LDB2: variants seen among roughly 807,000 people sequenced by gnomAD.
LDB2 encodes LIM domain-binding protein 2.
In LDB2, 12 loss-of-function variants were observed where a neutral mutation model predicts 44.3. The observed-to-expected ratio is 0.27, with a 90% CI of 0.17 to 0.44. The LOEUF is 0.44. LDB2 is among the 20% of genes least tolerant of loss of function. The probability of loss-of-function intolerance (pLI) is 1.00; values close to 1 mark genes in which losing one functional copy is unlikely to be tolerated. For synonymous variants in LDB2, 164 were observed against 174.8 expected (o/e 0.94, Z 0.49); for missense variants, 344 against 473.5 (o/e 0.73, Z 2.54).
chr4:16,732,362 A>C (rs767354033), intron 2 of LDB2, among the ~76,000 whole-genome samples: 4 of 152,200 alleles, frequency 2.6e-5, no homozygotes, highest in Admixed American at 6.5e-5. Context: ...CAGAGCTCCA[A>C]ATGTTACTTC....
intron 2 of LDB2, among the ~76,000 whole-genome samples, chr4:16,730,128 G>A (rs1027873532): frequency 5.3e-5 from 8 of 152,102 alleles, no homozygotes; most frequent in Non-Finnish European, 5.9e-5. Flanking sequence ...GGCCTGCAAC[G>A]TCAGAAAGTA....
At chr4:16,777,983 C>G (rs571232335) in intron 1 of LDB2, among the ~76,000 whole-genome samples, 3 of 152,306 alleles carry the variant, frequency 2.0e-5, no homozygotes, top group African/African-American at 4.8e-5. Context: ...CTTCCTCCCC[C>G]ATCCCTCTCC....
At chr4:16,884,845 A>G (rs1721173032) in intron 1 of LDB2, among the ~76,000 whole-genome samples, 1 of 152,204 alleles carries the variant, frequency 6.6e-6, no homozygotes, top group Non-Finnish European at 1.5e-5. Flanking sequence ...ACCCAAACAC[A>G]TAGATTCTGT....
intron 5 of LDB2, among the ~76,000 whole-genome samples, chr4:16,539,399 T>A (rs923656539): frequency 6.6e-6 from 1 of 152,068 alleles, no homozygotes; most frequent in African/African-American, 2.4e-5. Context: ...AGGAGAGACA[T>A]GGAACTAGAA....
intron 5 of LDB2, among the ~76,000 whole-genome samples, chr4:16,581,153 T>G (rs184273115): frequency 6.6e-6 from 1 of 152,344 alleles, no homozygotes; most frequent in African/African-American, 2.4e-5. Flanking sequence ...GATTCTGATG[T>G]GCTCTACCCA....
rs1561055974 is a variant in LDB2, at chr4:16,739,676, GTGTGTATATATGTATATATACATATA to G, written c.235+19456_235+19481del. The stretch of plus-strand genomic sequence containing the variant: ...TGTGTATATATGTATATATACATAT[GTGTGTATATATGTATATATACATATA>G]TGTGTATATATGTATATATACATAT... On this transcript the variant is annotated intron_variant, in intron 2 of 7. Transcript: ENST00000304523. Among the ~76,000 whole-genome samples, 458 of 52,104 alleles carry G rather than the reference GTGTGTATATATGTATATATACATATA, an allele frequency of 8.8e-3. 78 individuals carry two copies. The highest frequency in any genetic ancestry group is 0.024 in the South Asian group (52 of 2,130). The allele number at this position is 52,104 out of a possible 152,430, so 34.2% of individuals were successfully genotyped here.
chr4:16,597,395 T>C (rs1172233801), intron 2 of LDB2, among the ~76,000 whole-genome samples: 1 of 152,196 alleles, frequency 6.6e-6, no homozygotes. Context: ...TACTGCATGC[T>C]CATTTTCTAA....
At chr4:16,685,570 CATGT>C (rs1423163744) in intron 2 of LDB2, among the ~76,000 whole-genome samples, 2 of 152,088 alleles carry the variant, frequency 1.3e-5, no homozygotes, top group Non-Finnish European at 2.9e-5. Flanking sequence ...TAAATAAAGT[CATGT>C]ATGTGAAATT....
At chr4:16,551,901 A>G (rs1737814744) in intron 5 of LDB2, among the ~76,000 whole-genome samples, 1 of 152,218 alleles carries the variant, frequency 6.6e-6, no homozygotes, top group Admixed American at 6.5e-5. Flanking sequence ...AAGATATTAC[A>G]AAGTATGTGG....
At chr4:16,652,535 C>T (rs1039103068) in intron 2 of LDB2, among the ~76,000 whole-genome samples, 1 of 152,176 alleles carries the variant, frequency 6.6e-6, no homozygotes, top group African/African-American at 2.4e-5. Context: ...ACTTCTGCCA[C>T]CCCATTTGTG....
intron 5 of LDB2, among the ~76,000 whole-genome samples, chr4:16,585,294 T>C (rs1190593333): frequency 1.3e-5 from 2 of 152,174 alleles, no homozygotes; most frequent in East Asian, 3.9e-4. Flanking sequence ...GGCTCTTTAG[T>C]GGTTCAGGGC....
intron 2 of LDB2, among the ~76,000 whole-genome samples, chr4:16,730,498 A>G (rs1372269794): frequency 1.3e-5 from 2 of 152,210 alleles, no homozygotes; most frequent in East Asian, 1.9e-4. Context: ...AGATTTTTAA[A>G]AAATAATATT....
At chr4:16,689,883 G>C (rs1428725951) in intron 2 of LDB2, among the ~76,000 whole-genome samples, 1 of 152,186 alleles carries the variant, frequency 6.6e-6, no homozygotes, top group Non-Finnish European at 1.5e-5. Context: ...AAACTTCTAA[G>C]AATAGTTAGG....
chr4:16,661,263 C>T (rs1741507010), intron 2 of LDB2, among the ~76,000 whole-genome samples: 2 of 152,172 alleles, frequency 1.3e-5, no homozygotes, highest in African/African-American at 2.4e-5. Flanking sequence ...AGTTTTGGCA[C>T]AAAAAGACAG....
chr4:16,560,707 A>G (rs1422358875), intron 5 of LDB2, among the ~76,000 whole-genome samples: 10 of 152,206 alleles, frequency 6.6e-5, no homozygotes, highest in Non-Finnish European at 1.2e-4. Context: ...ATCCTCCCTG[A>G]CTCATTTTAT....
At chr4:16,615,540 G>C (rs560107346) in intron 2 of LDB2, among the ~76,000 whole-genome samples, 7 of 152,218 alleles carry the variant, frequency 4.6e-5, no homozygotes, top group East Asian at 1.9e-4. Context: ...TCGCTCATAA[G>C]TGAGAGTTGA....
At chr4:16,774,611 T>G (rs1170620728) in intron 1 of LDB2, among the ~76,000 whole-genome samples, 1 of 152,160 alleles carries the variant, frequency 6.6e-6, no homozygotes, top group East Asian at 1.9e-4. Flanking sequence ...TGAATTATTA[T>G]CCTTATTTTA....
intron 1 of LDB2, among the ~76,000 whole-genome samples, chr4:16,807,200 G>C (rs1040773958): frequency 1.3e-5 from 2 of 152,136 alleles, no homozygotes; most frequent in Non-Finnish European, 2.9e-5. Flanking sequence ...TTCCTGCCTT[G>C]TGTACTTCAC....
intron 1 of LDB2, among the ~76,000 whole-genome samples, chr4:16,798,406 G>C (rs1277397756): frequency 6.6e-6 from 1 of 152,176 alleles, no homozygotes; most frequent in African/African-American, 2.4e-5. Flanking sequence ...ATCTTGGAAA[G>C]CAGCAATAGG....
Sources: allele counts gnomAD v4.1 joint callset (sites outside exome capture counted in the v4.1 genomes callset), GRCh38; gene constraint gnomAD v4.1.1; transcripts MANE v1.5; gene names NCBI Gene and HGNC (gene_info 2026-07-23, HGNC 2026-07-21).